Variants in ASIC2 observed in about 807,000 individuals in gnomAD.
ASIC2 encodes the protein acid-sensing ion channel 2.
A neutral mutation model predicts 57.3 loss-of-function variants in ASIC2; 25 were observed. The ratio of observed to expected loss-of-function variants is 0.44; its 90% CI spans 0.32 to 0.61. The LOEUF (loss-of-function observed/expected upper bound fraction) is 0.61. ASIC2 is among the 20% of genes least tolerant of loss of function. The probability of loss-of-function intolerance (pLI) is 0.06; values close to 1 mark genes in which losing one functional copy is unlikely to be tolerated. For synonymous variants in ASIC2, 319 were observed against 307.5 expected (o/e 1.04, Z -0.39); for missense variants, 641 against 738.1 (o/e 0.87, Z 1.52).
At chr17:33,487,975 C>T (rs868293307) in intron 1 of ASIC2, among the ~76,000 whole-genome samples, 3 of 152,220 alleles carry the variant, frequency 2.0e-5, no homozygotes, top group Non-Finnish European at 4.4e-5. Flanking sequence ...CTTCCTTGCT[C>T]CTCAACTTGC....
At chr17:33,244,339 C>T (rs538283489) in intron 1 of ASIC2, among the ~76,000 whole-genome samples, 5 of 150,768 alleles carry the variant, frequency 3.3e-5, no homozygotes, top group East Asian at 1.9e-4. Context: ...TGTAGACAAC[C>T]GGACTGGAAA....
chr17:33,828,371 A>T (rs8076803), intron 1 of ASIC2: 1 of 151,702 alleles, frequency 6.6e-6, no homozygotes, highest in Non-Finnish European at 1.5e-5. Flanking sequence ...ATTGGTGCAC[A>T]ATATGGAAAG....
At chr17:34,126,618 C>A (rs1340843384) in intron 1 of ASIC2, among the ~76,000 whole-genome samples, 1 of 152,284 alleles carries the variant, frequency 6.6e-6, no homozygotes, top group Non-Finnish European at 1.5e-5. Context: ...ACTGTCAGGA[C>A]AGAGCTACCA....
intron 3 of ASIC2, among the ~76,000 whole-genome samples, chr17:33,053,321 G>A (rs8073298): frequency 0.92 from 139,721 of 152,292 alleles, 64,170 homozygotes; most frequent in African/African-American, 0.97. Context: ...TGTTGTATGG[G>A]AATTTAGCTT....
chr17:33,395,275 A>G (rs938533599), intron 1 of ASIC2, among the ~76,000 whole-genome samples: 3 of 152,056 alleles, frequency 2.0e-5, no homozygotes, highest in Admixed American at 6.6e-5. Flanking sequence ...TGATAAAGAC[A>G]TAACCGAGAC....
chr17:33,290,285 G>C (rs929511085), intron 1 of ASIC2, among the ~76,000 whole-genome samples: 8 of 152,216 alleles, frequency 5.3e-5, no homozygotes, highest in Admixed American at 5.2e-4. Context: ...CCCAAAAAAA[G>C]CTTTGTCAGA....
At chr17:33,247,927 G>C (rs766566594) in intron 1 of ASIC2, among the ~76,000 whole-genome samples, 1 of 152,136 alleles carries the variant, frequency 6.6e-6, no homozygotes, top group African/African-American at 2.4e-5. Flanking sequence ...GTGTATGTAC[G>C]GGACAGCCAG....
intron 9 of ASIC2, among the ~76,000 whole-genome samples, chr17:33,014,426 G>A (rs1314738688): frequency 1.3e-5 from 2 of 152,012 alleles, no homozygotes; most frequent in Non-Finnish European, 2.9e-5. Flanking sequence ...TCGGGGCTAT[G>A]GTGCAGGAAG....
intron 1 of ASIC2, among the ~76,000 whole-genome samples, chr17:33,202,784 CAGCTGG>C (rs530966071): frequency 9.9e-5 from 15 of 152,210 alleles, no homozygotes; most frequent in Admixed American, 3.3e-4. Flanking sequence ...TTCATCTTTC[CAGCTGG>C]AGCTTGCTCC....
At chr17:33,692,737 G>A (rs1470774717) in intron 1 of ASIC2, among the ~76,000 whole-genome samples, 1 of 152,168 alleles carries the variant, frequency 6.6e-6, no homozygotes, top group Non-Finnish European at 1.5e-5. Context: ...TGGCAGTGCA[G>A]TACGTTTATT....
Position 34,055,490 on chromosome 17 carries a change from ATTG to A in ASIC2, c.555+100485_555+100487del, listed in dbSNP as rs1320104092. ...CCTAATTTTGACAAATGAAACTCCGATTGTTATCTCAGAACATATTCATCTTCC... is the reference window on the plus strand; with the variant it reads ...CCTAATTTTGACAAATGAAACTCCGATTATCTCAGAACATATTCATCTTCC... On this transcript the variant is annotated intron_variant, in intron 1 of 9. Transcript: ENST00000359872. Among the ~76,000 whole-genome samples the A allele has an allele frequency of 4.6e-5, 7 of 152,144 alleles. No individual in the cohort carries two copies. In the East Asian group the frequency reaches 5.8e-4, roughly 13 times the overall value.
chr17:33,411,716 TA>T (rs1176686535), intron 1 of ASIC2, among the ~76,000 whole-genome samples: 11 of 152,208 alleles, frequency 7.2e-5, no homozygotes, highest in Non-Finnish European at 1.5e-4. Context: ...GAGTCAGGCT[TA>T]AGGACCAGCT....
At chr17:33,648,133 G>T (rs745518659) in intron 1 of ASIC2, among the ~76,000 whole-genome samples, 2 of 152,198 alleles carry the variant, frequency 1.3e-5, no homozygotes, top group Non-Finnish European at 2.9e-5. Flanking sequence ...GTATTATCAA[G>T]ATGAACAGAG....
intron 1 of ASIC2, among the ~76,000 whole-genome samples, chr17:33,119,193 G>T (rs186841326): frequency 3.9e-5 from 6 of 152,194 alleles, no homozygotes; most frequent in Admixed American, 3.3e-4. Context: ...GACCTTTAGG[G>T]CTTCTTCTGG....
chr17:33,355,357 T>C (rs1439253918), intron 1 of ASIC2, among the ~76,000 whole-genome samples: 4 of 152,102 alleles, frequency 2.6e-5, no homozygotes, highest in African/African-American at 9.7e-5. Context: ...ATGAAGCCCA[T>C]GTACAGGAAT....
At chr17:33,823,362 A>G (rs1912805573) in intron 1 of ASIC2, among the ~76,000 whole-genome samples, 1 of 152,184 alleles carries the variant, frequency 6.6e-6, no homozygotes. Flanking sequence ...GGGGTTGGGG[A>G]AGGTTTAAAC....
chr17:33,511,208 C>T (rs938506569), intron 1 of ASIC2, among the ~76,000 whole-genome samples: 1 of 141,618 alleles, frequency 7.1e-6, no homozygotes, highest in African/African-American at 2.6e-5. Context: ...CCAGAGTGTT[C>T]AGTCACCATA....
intron 1 of ASIC2, among the ~76,000 whole-genome samples, chr17:33,690,683 G>C (rs985194462): frequency 6.6e-6 from 1 of 150,878 alleles, no homozygotes; most frequent in Non-Finnish European, 1.5e-5. Context: ...AAGTAGACTT[G>C]CATATTTTCA....
At chr17:33,421,829 A>G (rs1162213995) in intron 1 of ASIC2, among the ~76,000 whole-genome samples, 2 of 152,158 alleles carry the variant, frequency 1.3e-5, no homozygotes, top group African/African-American at 4.8e-5. Flanking sequence ...GCACGGTCAT[A>G]GAGCTCTCCA....
Sources: allele counts gnomAD v4.1 joint callset (sites outside exome capture counted in the v4.1 genomes callset), GRCh38; gene constraint gnomAD v4.1.1; transcripts MANE v1.5; gene names NCBI Gene and HGNC (gene_info 2026-07-23, HGNC 2026-07-21).